The following RALGAPB variants were observed in gnomAD, a reference collection of about 807,000 sequenced individuals.
RALGAPB encodes the protein Ral GTPase activating protein non-catalytic subunit beta.
A neutral mutation model predicts 161.1 loss-of-function variants in RALGAPB; 25 were observed. The observed-to-expected ratio is 0.16, with a 90% CI of 0.11 to 0.22. The LOEUF (loss-of-function observed/expected upper bound fraction) is 0.22. RALGAPB is among the 10% of genes least tolerant of loss of function. The pLI, the probability that RALGAPB is intolerant of heterozygous loss-of-function variation, is 1.00. For missense variants in RALGAPB, 1,391 were observed against 1,815.2 expected (o/e 0.77, Z 4.25); for synonymous variants, 629 against 626.1 (o/e 1.00, Z -0.07).
Position 38,499,961 on chromosome 20 carries a change from A to G in RALGAPB, c.740+328A>G, listed in dbSNP as rs75828684. 829 of 161,442 alleles carry G rather than the reference A, an allele frequency of 5.1e-3. 22 individuals are homozygous for G. In the East Asian group the frequency reaches 0.083, roughly 16 times the overall value. 10.0% of individuals were successfully genotyped at this position (161,442 alleles called of 1,614,324 possible). A position where few individuals can be genotyped will look rare whatever the true frequency, so the allele number is the denominator to read the frequency against. ...TTAAAGAAACAAACCATAGAAAGAT[A>G]TAATAGAAAAGTTCTCCTGAAATCC... On this transcript the variant is annotated intron_variant, in intron 5 of 29. Transcript: ENST00000262879.
intron 29 of RALGAPB, 130 bp from the exon 30 acceptor site, chr20:38,574,643 TG>T: frequency 1.1e-6 from 1 of 889,950 alleles, no homozygotes; most frequent in Non-Finnish European, 1.8e-6. Flanking sequence ...TCTATCTCTC[TG>T]GGGATGGGAA....
chr20:38,523,381 T>C (rs955508205), intron 10 of RALGAPB, among the ~76,000 whole-genome samples: 3 of 152,200 alleles, frequency 2.0e-5, no homozygotes, highest in African/African-American at 7.2e-5. Context: ...TGGGGAGATA[T>C]CCTAAATGGT....
Position 38,509,141 on chromosome 20 carries a change from C to G in RALGAPB, c.805C>G (p.Leu269Val). ...AFKVPDEDAS[L>V]IPPEMDNECV... is the part of the protein sequence containing the mutation. ...TAAAGTTCCCGATGAAGATGCCAGT[C>G]TGATCCCTCCAGAAATGGATAATGA... Residue 269 changes from leucine (L) to valine (V), a missense_variant, in exon 6 of 30, where the codon CTG becomes GTG. By Grantham distance (32) the Leu-to-Val change is conservative (BLOSUM62 1). Around this residue, in one of 3 missense-constraint regions of RALGAPB, gnomAD observed 946 missense variants for 1,257.2 expected, o/e 0.75. Coordinates refer to ENST00000262879, the MANE Select transcript of RALGAPB (RefSeq NM_020336.4). 6.2e-7 allele frequency: 1 copy of G among 1,613,350 alleles called. No individual in the cohort carries two copies. The highest frequency in any genetic ancestry group is 8.5e-7 in the Non-Finnish European group (1 of 1,179,256).
chr20:38,505,702 A>G (rs943506129), intron 5 of RALGAPB, among the ~76,000 whole-genome samples: 1 of 152,220 alleles, frequency 6.6e-6, no homozygotes, highest in Non-Finnish European at 1.5e-5. Flanking sequence ...AATCGACTAC[A>G]GTATAGTCCA....
intron 23 of RALGAPB, among the ~76,000 whole-genome samples, chr20:38,560,176 C>T (rs759845811): frequency 1.5e-4 from 23 of 151,808 alleles, no homozygotes; most frequent in Middle Eastern, 3.2e-3. Context: ...GTTATAGTGC[C>T]GAACAAAATC....
At chr20:38,551,359 G>A in intron 21 of RALGAPB, 136 bp downstream of exon 21, 1 of 1,033,502 alleles carries the variant, frequency 9.7e-7, no homozygotes, top group Non-Finnish European at 1.4e-6. Flanking sequence ...CCAGGAGGTT[G>A]CCATGTTTAA....
chr20:38,498,081 AAAAAG>A (rs956899784), intron 4 of RALGAPB, among the ~76,000 whole-genome samples: 1 of 142,742 alleles, frequency 7.0e-6, no homozygotes, highest in African/African-American at 2.4e-5. Context: ...AAAAAAAAAA[AAAAAG>A]AAAAGAAACA....
Position 38,572,496 on chromosome 20 carries a change from C to A in RALGAPB, c.4142+1649C>A, listed in dbSNP as rs1388881950. Among the ~76,000 whole-genome samples, 3 of 152,316 alleles carry A rather than the reference C, an allele frequency of 2.0e-5. No homozygotes were observed. The East Asian group carries it at 5.8e-4, about 29-fold the overall frequency. ...GACCCCAAATGCATTGACCCTGCAT[C>A]TCTCTCATCACAGAGCTACCCTGAA... On this transcript the variant is annotated intron_variant, in intron 28 of 29. Coordinates refer to ENST00000262879, the MANE Select transcript of RALGAPB (RefSeq NM_020336.4).
rs757087606 is a variant in RALGAPB, at chr20:38,525,387, T to G, written c.1788-17T>G. The G allele has an allele frequency of 2.3e-5, 35 of 1,539,816 alleles. 1 individual carries two copies. The South Asian group carries it at 4.1e-4, about 18-fold the overall frequency. Reference sequence around the variant, plus strand: ...GCTTTAGTTCAAAAATACTAATAGCTTTTTATTTTTTGGCAGAGAACTCTC... The same window carrying G: ...GCTTTAGTTCAAAAATACTAATAGCGTTTTATTTTTTGGCAGAGAACTCTC... On this transcript the variant is annotated splice_polypyrimidine_tract_variant and intron_variant, in intron 11 of 29. Transcript: ENST00000262879.
intron 6 of RALGAPB, among the ~76,000 whole-genome samples, 187 bp downstream of exon 6, chr20:38,509,395 G>A (rs1320418670): frequency 6.6e-6 from 1 of 152,210 alleles, no homozygotes; most frequent in East Asian, 1.9e-4. Context: ...AGCAGGGTTA[G>A]GCTGTCCTCA....
chr20:38,551,299 C>A, intron 21 of RALGAPB, 76 bp downstream of exon 21: 1 of 1,486,538 alleles, frequency 6.7e-7, no homozygotes, highest in South Asian at 1.2e-5. Context: ...CAAGACAATG[C>A]TTTTAGTGTT....
At chr20:38,524,686 G>A in intron 10 of RALGAPB, 92 bp from the exon 11 acceptor site, 1 of 961,040 alleles carries the variant, frequency 1.0e-6, no homozygotes, top group Non-Finnish European at 1.6e-6. Context: ...AGTGATGAGT[G>A]GAAATAGACT....
rs371182323 is a variant in RALGAPB at position 38,546,258 on chromosome 20, C to T, written c.2730C>T (p.Leu910=). The stretch of plus-strand genomic sequence containing the variant: ...TTCTCCATAGCATTATGCAGTTGCT[C>T]GGCGCATTTCCTTCACCTAGTGGTC... The part of the protein sequence containing the change: ...EATLTCIMQL[L]GAFPSPSGPA... The change falls in exon 19 of 30, where the codon CTC becomes CTT. Residue 910 remains leucine (L), a synonymous_variant. Transcript: ENST00000262879. 4.5e-5 allele frequency: 73 copies of T among 1,613,884 alleles called. No homozygotes were observed. Among genetic ancestry groups the T allele is most frequent in the Non-Finnish European group, 5.9e-5 (70 of 1,179,928 alleles).
intron 28 of RALGAPB, among the ~76,000 whole-genome samples, chr20:38,571,081 G>C (rs760692704): frequency 6.6e-6 from 1 of 152,076 alleles, no homozygotes; most frequent in South Asian, 2.1e-4. Context: ...AAAGCTATAC[G>C]TATTTAATGT....
At chr20:38,488,763 C>T (rs929697382) in intron 2 of RALGAPB, 145 bp downstream of exon 2, 51 of 762,182 alleles carry the variant, frequency 6.7e-5, no homozygotes, top group Non-Finnish European at 9.6e-5. Flanking sequence ...TTCTCCCCAA[C>T]GTAGTATGAC....
intron 21 of RALGAPB, among the ~76,000 whole-genome samples, chr20:38,553,441 G>C (rs1204609170): frequency 1.3e-5 from 2 of 152,116 alleles, no homozygotes; most frequent in Non-Finnish European, 2.9e-5. Context: ...TTGCCTATTT[G>C]AAGGGAACCA....
At chr20:38,511,874 C>T (rs922938370) in intron 6 of RALGAPB, among the ~76,000 whole-genome samples, 1 of 152,176 alleles carries the variant, frequency 6.6e-6, no homozygotes, top group Non-Finnish European at 1.5e-5. Flanking sequence ...GGCGGCCGGG[C>T]AGAGGGGCTG....
In RALGAPB at chr20:38,554,068, G is replaced by A. The variant is rs1434949730; in HGVS notation, c.3364G>A (p.Ala1122Thr). 6.3e-7 allele frequency: 1 copy of A among 1,596,906 alleles called. No homozygotes were observed. Among genetic ancestry groups the A allele is most frequent in the East Asian group, 2.2e-5 (1 of 44,820 alleles). Residue 1122 changes from alanine (A) to threonine (T), a missense_variant, in exon 22 of 30, where the codon GCA (alanine) becomes ACA (threonine). Ala to Thr is a moderately conservative substitution (Grantham distance 58, BLOSUM62 0). This residue lies in a region of RALGAPB where 436 missense variants were observed against 527.0 expected (regional missense o/e 0.83). Transcript: ENST00000262879. ...LSHFGFLSLE[A>T]LKEPANSRLP... ...ACACTTTGGATTTTTGTCCTTAGAA[G>A]CACTGAAGGTAATTTTCATGAACTT...
At chr20:38,524,624 T>C (rs1230387298) in intron 10 of RALGAPB, among the ~76,000 whole-genome samples, 154 bp from the exon 11 acceptor site, 2 of 152,216 alleles carry the variant, frequency 1.3e-5, no homozygotes, top group Non-Finnish European at 1.5e-5. Context: ...AGGGTAAAAT[T>C]CTAATAAATT....
Sources: gnomAD v4.1 joint callset for allele counts (sites outside exome capture counted in the v4.1 genomes callset) on GRCh38, gnomAD v4.1.1 for gene constraint, gnomAD v4.1.1 regional missense constraint, MANE v1.5 for transcripts, NCBI Gene and HGNC (gene_info 2026-07-23, HGNC 2026-07-21) for gene names.